Variants in NUP88 observed in about 807,000 individuals in gnomAD.
The protein encoded by NUP88 is nucleoporin 88.
In NUP88, 57 loss-of-function variants were observed where a neutral mutation model predicts 93.9. The observed-to-expected ratio is 0.61, with a 90% CI of 0.49 to 0.76. The LOEUF (loss-of-function observed/expected upper bound fraction) is 0.76, where lower values mean the gene tolerates loss of function less well. NUP88 is among the 30% of genes least tolerant of loss of function. NUP88 has a pLI of 0.00. For missense variants in NUP88, 911 were observed against 901.0 expected, an observed-to-expected ratio of 1.01 and a Z score of -0.14; for synonymous variants, 346 against 336.8, an observed-to-expected ratio of 1.03 and a Z score of -0.30.
Position 5,403,626 on chromosome 17 carries a change from C to A in NUP88, c.1192+473G>T, listed in dbSNP as rs547828385. Reference sequence around the variant, plus strand: ...AGTGAGTCGAGATTGCGCCATTAGACTCCAGCCTGGGTGACAGAGCCAGAC... The same window carrying A: ...AGTGAGTCGAGATTGCGCCATTAGAATCCAGCCTGGGTGACAGAGCCAGAC... On this transcript the variant is annotated intron_variant, in intron 7 of 16. Coordinates refer to ENST00000573584, the MANE Select transcript of NUP88 (RefSeq NM_002532.6). Among the ~76,000 whole-genome samples, 3 of 151,880 alleles carry A rather than the reference C, an allele frequency of 2.0e-5. No homozygotes were observed. The East Asian group carries it at 5.8e-4, about 30-fold the overall frequency.
In NUP88 at chr17:5,414,007, A is replaced by G. The variant is rs767028041; in HGVS notation, c.593+2T>C. 6.2e-7 allele frequency: 1 copy of G among 1,613,404 alleles called. No individual in the cohort carries two copies. The highest frequency in any genetic ancestry group is 8.5e-7 in the Non-Finnish European group (1 of 1,179,522). On this transcript the variant is annotated splice_donor_variant, in intron 3 of 16. Transcript: ENST00000573584. LOFTEE classifies it high-confidence loss of function. ...GCTTCAAGAGAGAGAAATAAAATTT[A>G]CCTGATTACGTTGTCTGATGTTAAC... is the stretch of plus-strand genomic sequence containing the variant.
At position 5,419,633 on chromosome 17, in the gene NUP88, T is replaced by G; in HGVS notation, c.18A>C (p.Gly6=). ...GCCACAGCTCGCCGTCGCCCACCGG[T>G]CCCTCGGCGGCCGCCATCTTGGCCC... The part of the protein sequence containing the change: MAAAE[G]PVGDGELWQT... The change falls in exon 1 of 17, where the codon GGA becomes GGC. Residue 6 remains glycine (G), a synonymous_variant. Transcript: ENST00000573584. The G allele has an allele frequency of 1.3e-6, 2 of 1,591,522 alleles. No homozygotes were observed. Among genetic ancestry groups the G allele is most frequent in the Middle Eastern group, 1.7e-4 (1 of 5,808 alleles).
At chr17:5,393,689 ATCTCC>A (rs1912592469) in intron 9 of NUP88, among the ~76,000 whole-genome samples, 1 of 151,708 alleles carries the variant, frequency 6.6e-6, no homozygotes, top group Admixed American at 6.6e-5. Context: ...ACCCACCTCG[ATCTCC>A]CAAAATGCTG....
chr17:5,390,460 G>A (rs1912345050), intron 10 of NUP88, among the ~76,000 whole-genome samples: 1 of 152,172 alleles, frequency 6.6e-6, no homozygotes, highest in South Asian at 2.1e-4. Flanking sequence ...GATCCTCTAA[G>A]GACAGTAAAC....
intron 7 of NUP88, among the ~76,000 whole-genome samples, chr17:5,403,130 G>A (rs1487737961): frequency 6.6e-6 from 1 of 152,206 alleles, no homozygotes; most frequent in Non-Finnish European, 1.5e-5. Flanking sequence ...GACTGCTTGA[G>A]GCCAGGAGTT....
chr17:5,390,209 C>T (rs1201872721), intron 10 of NUP88, among the ~76,000 whole-genome samples: 1 of 151,074 alleles, frequency 6.6e-6, no homozygotes, highest in African/African-American at 2.4e-5. Context: ...TTTATTTTTC[C>T]CCTTTGGGAT....
intron 2 of NUP88, among the ~76,000 whole-genome samples, chr17:5,414,486 C>T (rs62072674): frequency 0.44 from 66,460 of 152,038 alleles, 15,299 homozygotes; most frequent in East Asian, 0.84. Flanking sequence ...TGAGCCACCA[C>T]GCCAGGCCCT....
chr17:5,404,053 T>C (rs767339153), intron 7 of NUP88, 46 bp downstream of exon 7: 2 of 1,570,398 alleles, frequency 1.3e-6, no homozygotes, highest in Non-Finnish European at 8.8e-7. Flanking sequence ...ATAGTCTTAG[T>C]ATAAAAATCA....
At chr17:5,408,672 A>T in intron 5 of NUP88, 61 bp downstream of exon 5, 1 of 1,294,446 alleles carries the variant, frequency 7.7e-7, no homozygotes, top group Non-Finnish European at 1.1e-6. Flanking sequence ...TCCAGCCTCA[A>T]TGATATCTAC....
chr17:5,416,188 T>TACACATACACACACACACAC (rs1555530311), intron 2 of NUP88, among the ~76,000 whole-genome samples: 1 of 126,200 alleles, frequency 7.9e-6, no homozygotes, highest in African/African-American at 3.0e-5. Context: ...TATACACACA[T>TACACATACACACACACACAC]ACACACACAC....
At chr17:5,398,193 G>A (rs1912906004) in intron 8 of NUP88, among the ~76,000 whole-genome samples, 1 of 152,108 alleles carries the variant, frequency 6.6e-6, no homozygotes, top group South Asian at 2.1e-4. Flanking sequence ...GTAGGCCACT[G>A]CACCTGACCG....
At chr17:5,405,359 T>C in intron 5 of NUP88, 116 bp from the exon 6 acceptor site, 1 of 792,768 alleles carries the variant, frequency 1.3e-6, no homozygotes, top group African/African-American at 1.7e-5. Flanking sequence ...ATAAATGTAG[T>C]GTATTCCCAA....
At chr17:5,387,721 C>T in intron 12 of NUP88, 51 bp from the exon 13 acceptor site, 1 of 1,607,396 alleles carries the variant, frequency 6.2e-7, no homozygotes, top group Non-Finnish European at 8.5e-7. Flanking sequence ...GTCTAGGCTA[C>T]CATACAGCAT....
chr17:5,405,065 C>T lies in NUP88; in HGVS notation c.1036G>A (p.Asp346Asn), dbSNP rs1913416039. 1 of 1,613,622 alleles carries T rather than the reference C, an allele frequency of 6.2e-7. No homozygotes were observed. The highest frequency in any genetic ancestry group is 1.1e-5 in the South Asian group (1 of 90,944). Reference sequence around the variant, plus strand: ...CAGCAGCCTGCACTTACCGTGTGGTCATCTTCTTCTTCCCCTTCTAGCACG... The same window carrying T: ...CAGCAGCCTGCACTTACCGTGTGGTTATCTTCTTCTTCCCCTTCTAGCACG... ...CVVLEGEEED[D>N]HTSEKSWDSR... Residue 346 changes from aspartate to asparagine, a missense_variant, in exon 6 of 17, where the codon GAC becomes AAC. Asp to Asn is a conservative substitution (Grantham distance 23). Transcript: ENST00000573584.
At chr17:5,386,631 T>C (rs1912000664) in intron 16 of NUP88, 77 bp downstream of exon 16, 2 of 986,406 alleles carry the variant, frequency 2.0e-6, no homozygotes, top group East Asian at 4.8e-5. Flanking sequence ...CAGGTTTCTA[T>C]TAAGACAGGT....
chr17:5,386,978 T>G lies in NUP88; in HGVS notation c.2043+6A>C. 1 of 1,613,850 alleles carries G rather than the reference T, an allele frequency of 6.2e-7. No homozygotes were observed. ...CCAAATTTAGCTAGTTTGGATCTAT[T>G]CCTACCTGTTTGATGGCATTGCCCA... On this transcript the variant is annotated splice_donor_region_variant and intron_variant, in intron 15 of 16. Coordinates refer to ENST00000573584, the MANE Select transcript of NUP88 (RefSeq NM_002532.6).
chr17:5,406,009 A>G (rs1232836546), intron 5 of NUP88, among the ~76,000 whole-genome samples: 1 of 152,222 alleles, frequency 6.6e-6, no homozygotes, highest in Non-Finnish European at 1.5e-5. Flanking sequence ...CTTCTCTTCA[A>G]GGCTTTGGAT....
In NUP88 at chr17:5,386,138, C is replaced by G. The variant is rs1911942841; in HGVS notation, c.*68G>C. On this transcript the variant is annotated 3_prime_UTR_variant, in exon 17 of 17. Transcript: ENST00000573584. ...CTTTTTATAAATTAGATAATTCTAC[C>G]TGTTTTACAATATGGGTTTAAGCCT... 8.7e-7 allele frequency: 1 copy of G among 1,151,350 alleles called. No homozygotes were observed. Among genetic ancestry groups the G allele is most frequent in the Non-Finnish European group, 1.3e-6 (1 of 796,652 alleles). 71.3% of individuals were successfully genotyped at this position (1,151,350 alleles called of 1,614,324 possible).
In NUP88 at chr17:5,386,770, T is replaced by C. The variant is rs61756118; in HGVS notation, c.2100A>G (p.Pro700=). The change falls in exon 16 of 17, where the codon CCA becomes CCG. Residue 700 remains proline (P), a synonymous_variant. Transcript: ENST00000573584. The stretch of plus-strand genomic sequence containing the variant: ...AGGCACTGAGAATAATGGTGGGTTT[T>C]GGAAGACTCAACACCTTCTCCATCT... ...QQKMEKVLSL[P]KPTIILSAYQ... is the part of the protein sequence containing the mutation. 123 of 1,614,028 alleles carry C rather than the reference T, an allele frequency of 7.6e-5. No homozygotes were observed. Among genetic ancestry groups the C allele is most frequent in the Non-Finnish European group, 9.1e-5 (107 of 1,179,986 alleles).
Sources: gnomAD v4.1 joint callset for allele counts (sites outside exome capture counted in the v4.1 genomes callset) on GRCh38, gnomAD v4.1.1 for gene constraint, MANE v1.5 for transcripts, NCBI Gene and HGNC (gene_info 2026-07-23, HGNC 2026-07-21) for gene names.